RAB38: variants seen among roughly 807,000 people sequenced by gnomAD.
RAB38 encodes the protein RAB38, member RAS oncogene family, also known as ras-related protein Rab-38.
In RAB38, 15 loss-of-function variants were observed where a neutral mutation model predicts 18.4. The ratio of observed to expected loss-of-function variants is 0.82; its 90% CI spans 0.55 to 1.26. The LOEUF (loss-of-function observed/expected upper bound fraction) is 1.26. RAB38 is among the 50% of genes most tolerant of loss of function. The pLI, the probability that RAB38 is intolerant of heterozygous loss-of-function variation, is 0.00. For missense variants in RAB38, 294 were observed against 267.4 expected (o/e 1.10, Z -0.69); for synonymous variants, 101 against 104.4 (o/e 0.97, Z 0.20).
the RAB38 span, among the ~76,000 whole-genome samples, chr11:88,016,246 C>A: frequency 8.5e-5 from 13 of 152,236 alleles, no homozygotes; most frequent in Admixed American, 2.6e-4. Flanking sequence ...GCGCTCCAGG[C>A]TGTCCACCCT....
the RAB38 span, among the ~76,000 whole-genome samples, chr11:87,856,024 T>A: frequency 6.6e-6 from 1 of 152,184 alleles, no homozygotes; most frequent in Non-Finnish European, 1.5e-5. Context: ...CACAATAATT[T>A]TGGAACACAC....
chr11:87,948,523 G>C, the RAB38 span, among the ~76,000 whole-genome samples: 46 of 151,978 alleles, frequency 3.0e-4, no homozygotes, highest in African/African-American at 1.1e-3. Flanking sequence ...TATGATATTG[G>C]CTGTGGGTTT....
the RAB38 span, among the ~76,000 whole-genome samples, chr11:88,085,505 T>G: frequency 1.3e-5 from 2 of 151,920 alleles, no homozygotes; most frequent in African/African-American, 4.8e-5. Flanking sequence ...TGTAACTACC[T>G]TGTCTAAATG....
chr11:88,052,901 C>CATATATATAT, the RAB38 span, among the ~76,000 whole-genome samples: 2 of 21,520 alleles, frequency 9.3e-5, no homozygotes, highest in Non-Finnish European at 1.9e-4. Context: ...GAAAAAATTT[C>CATATATATAT]ATATATATAT....
At chr11:88,021,831 G>A in the RAB38 span, among the ~76,000 whole-genome samples, 2,356 of 132,426 alleles carry the variant, frequency 0.018, 63 homozygotes, top group African/African-American at 0.061. Flanking sequence ...TCCAGCCTGG[G>A]TGACAGAGCA....
At chr11:87,969,997 G>A in the RAB38 span, among the ~76,000 whole-genome samples, 2 of 152,014 alleles carry the variant, frequency 1.3e-5, no homozygotes, top group African/African-American at 4.8e-5. Context: ...AAGTAAGTCA[G>A]GTTCAGTAGG....
chr11:88,152,480 C>G (rs1943074694), intron 1 of RAB38, among the ~76,000 whole-genome samples: 1 of 152,028 alleles, frequency 6.6e-6, no homozygotes, highest in African/African-American at 2.4e-5. Flanking sequence ...TGTGTCAGAT[C>G]AGAAATAAGA....
chr11:88,114,081 C>T lies in RAB38; in HGVS notation c.543G>A (p.Glu181=), dbSNP rs1942514251. ...RCLVKHILAN[E]CDLMESIEPD... ...GCTCAATAGACTCCATTAGGTCACA[C>T]TCATTTGCAAGTATGTGTTTCACCA... The change falls in exon 3 of 3, where the codon GAG becomes GAA. Residue 181 remains glutamate (E), a synonymous_variant. Coordinates refer to ENST00000243662, the MANE Select transcript of RAB38 (RefSeq NM_022337.3). The T allele has an allele frequency of 1.2e-6, 2 of 1,614,052 alleles. No individual in the cohort carries two copies. Among genetic ancestry groups the T allele is most frequent in the African/African-American group, 1.3e-5 (1 of 74,920 alleles).
At chr11:88,062,874 C>A in the RAB38 span, among the ~76,000 whole-genome samples, 1 of 152,148 alleles carries the variant, frequency 6.6e-6, no homozygotes, top group Admixed American at 6.5e-5. Context: ...TTTGTCAAAC[C>A]CCAGCTGTTA....
the RAB38 span, among the ~76,000 whole-genome samples, chr11:88,075,556 T>C: frequency 6.6e-6 from 1 of 152,092 alleles, no homozygotes; most frequent in Non-Finnish European, 1.5e-5. Context: ...AGAGGGACAT[T>C]TATAGCAATA....
At chr11:88,102,916 C>T in the RAB38 span, among the ~76,000 whole-genome samples, 1 of 152,010 alleles carries the variant, frequency 6.6e-6, no homozygotes, top group Admixed American at 6.6e-5. Context: ...TCCCTTCCCT[C>T]ATTAGTTTCA....
At chr11:88,135,828 G>C (rs1209726995) in intron 2 of RAB38, among the ~76,000 whole-genome samples, 1 of 152,140 alleles carries the variant, frequency 6.6e-6, no homozygotes, top group Non-Finnish European at 1.5e-5. Context: ...TAGTATCCTG[G>C]CATCTCAATG....
intron 2 of RAB38, among the ~76,000 whole-genome samples, chr11:88,146,767 C>G (rs1040919387): frequency 6.6e-6 from 1 of 152,180 alleles, no homozygotes; most frequent in Non-Finnish European, 1.5e-5. Flanking sequence ...AGGACAACCT[C>G]AATAGCATTA....
the RAB38 span, among the ~76,000 whole-genome samples, chr11:88,037,743 A>G: frequency 6.6e-6 from 1 of 152,264 alleles, no homozygotes; most frequent in South Asian, 2.1e-4. Flanking sequence ...GACATTCATC[A>G]GGTTGCTCTA....
At chr11:88,140,896 C>T (rs1942903937) in intron 2 of RAB38, among the ~76,000 whole-genome samples, 1 of 152,062 alleles carries the variant, frequency 6.6e-6, no homozygotes, top group Non-Finnish European at 1.5e-5. Context: ...AATTATATTT[C>T]CAGAAAAGCT....
At chr11:88,059,399 C>G in the RAB38 span, among the ~76,000 whole-genome samples, 5 of 152,190 alleles carry the variant, frequency 3.3e-5, no homozygotes, top group African/African-American at 1.2e-4. Flanking sequence ...ATGGGATCCA[C>G]TGGATTCTGC....
At chr11:88,034,887 T>C in the RAB38 span, among the ~76,000 whole-genome samples, 1 of 152,248 alleles carries the variant, frequency 6.6e-6, no homozygotes, top group African/African-American at 2.4e-5. Flanking sequence ...GAGTCATAGA[T>C]CTGCATGTGT....
the RAB38 span, among the ~76,000 whole-genome samples, chr11:87,830,756 G>A: frequency 4.0e-5 from 6 of 151,814 alleles, no homozygotes; most frequent in Non-Finnish European, 7.4e-5. Flanking sequence ...TCATTTTATA[G>A]ATAAGGAAAT....
the RAB38 span, among the ~76,000 whole-genome samples, chr11:88,036,349 A>C: frequency 6.6e-6 from 1 of 152,308 alleles, no homozygotes; most frequent in Non-Finnish European, 1.5e-5. Context: ...ACTTATCGCT[A>C]CCAGAGTAAC....
Sources: allele counts gnomAD v4.1 joint callset (sites outside exome capture counted in the v4.1 genomes callset), GRCh38; gene constraint gnomAD v4.1.1; transcripts MANE v1.5; gene names NCBI Gene and HGNC (gene_info 2026-07-23, HGNC 2026-07-21).